The following FTO variants were observed in gnomAD, a reference collection of about 807,000 sequenced individuals.
The protein encoded by FTO is alpha-ketoglutarate-dependent dioxygenase FTO.
A neutral mutation model predicts 63.9 loss-of-function variants in FTO; 47 were observed. The ratio of observed to expected loss-of-function variants is 0.74; its 90% CI spans 0.58 to 0.94. The LOEUF (loss-of-function observed/expected upper bound fraction) is 0.94. FTO is among the 40% of genes least tolerant of loss of function. FTO has a pLI of 0.00. For synonymous variants in FTO, 207 were observed against 224.4 expected, an observed-to-expected ratio of 0.92 and a Z score of 0.69; for missense variants, 562 against 618.1, an observed-to-expected ratio of 0.91 and a Z score of 0.96.
chr16:53,892,806 C>T (rs1284068483), intron 7 of FTO, among the ~76,000 whole-genome samples: 1 of 152,126 alleles, frequency 6.6e-6, no homozygotes, highest in Non-Finnish European at 1.5e-5. Context: ...TGTCTTTGTG[C>T]TCTTTTTTCA....
chr16:54,108,538 C>T lies in FTO; in HGVS notation c.1365-3224C>T, dbSNP rs562729408. On this transcript the variant is annotated intron_variant, in intron 8 of 8. Coordinates refer to ENST00000471389, the MANE Select transcript of FTO (RefSeq NM_001080432.3). Reference sequence around the variant, plus strand: ...CTAGAAGGAGTCTGTCTAGAGGCTACGCACCCAGTTAGTATGAAGGAAGGA... The same window carrying T: ...CTAGAAGGAGTCTGTCTAGAGGCTATGCACCCAGTTAGTATGAAGGAAGGA... Among the ~76,000 whole-genome samples, 181 of 152,234 alleles carry T rather than the reference C, an allele frequency of 1.2e-3. 2 individuals are homozygous for T. Among genetic ancestry groups the T allele is most frequent in the Non-Finnish European group, 5.4e-4 (37 of 68,020 alleles).
chr16:53,942,458 T>C (rs1370886784), intron 8 of FTO, among the ~76,000 whole-genome samples: 1 of 152,040 alleles, frequency 6.6e-6, no homozygotes, highest in African/African-American at 2.4e-5. Flanking sequence ...TGGAGCTGGG[T>C]GAGAAGAGGA....
At chr16:53,844,515 A>T (rs1180959221) in intron 4 of FTO, among the ~76,000 whole-genome samples, 1 of 152,136 alleles carries the variant, frequency 6.6e-6, no homozygotes, top group Non-Finnish European at 1.5e-5. Context: ...GCTGGAGTGC[A>T]GTGGCACAAT....
intron 8 of FTO, chr16:54,008,369 G>A (rs1002252560): frequency 1.3e-5 from 2 of 151,116 alleles, no homozygotes; most frequent in African/African-American, 4.9e-5. Flanking sequence ...CTTAGGACTC[G>A]GGCTGTGATA....
Position 53,862,898 on chromosome 16 carries a change from T to C in FTO, c.896-10888T>C, listed in dbSNP as rs148828108. ...GTTAAGTACATTTGGATCTCCAGGA[T>C]CTGTTCCTCATGTCTAAGGTTTTCC... is the stretch of plus-strand genomic sequence containing the variant. On this transcript the variant is annotated intron_variant, in intron 4 of 8. Transcript: ENST00000471389. Among the ~76,000 whole-genome samples, 810 of 152,298 alleles carry C rather than the reference T, an allele frequency of 5.3e-3. 10 individuals carry two copies. The highest frequency in any genetic ancestry group is 0.018 in the African/African-American group (747 of 41,558).
At chr16:54,068,813 C>T (rs2085792162) in intron 8 of FTO, among the ~76,000 whole-genome samples, 1 of 152,134 alleles carries the variant, frequency 6.6e-6, no homozygotes, top group African/African-American at 2.4e-5. Context: ...CTTCCCCACT[C>T]TTCTTCCAGC....
In FTO at chr16:54,116,206, A is replaced by G. The variant is rs563334743; in HGVS notation, c.*4291A>G. 6.6e-6 allele frequency: 1 copy of G among 151,858 alleles called. No individual in the cohort carries two copies. The highest frequency in any genetic ancestry group is 2.4e-5 in the African/African-American group (1 of 41,412). 9.4% of individuals were successfully genotyped at this position (151,858 alleles called of 1,614,324 possible). On this transcript the variant is annotated 3_prime_UTR_variant, in exon 9 of 9. Coordinates refer to ENST00000471389, the MANE Select transcript of FTO (RefSeq NM_001080432.3). The stretch of plus-strand genomic sequence containing the variant: ...TTGTATGCTTCGAGGGAAGGAAGGT[A>G]TTTTCAAATGCAACTTCTTTTTTTT...
intron 1 of FTO, among the ~76,000 whole-genome samples, chr16:53,742,460 G>A (rs1168393533): frequency 1.3e-5 from 2 of 152,170 alleles, no homozygotes; most frequent in African/African-American, 4.8e-5. Flanking sequence ...ACAACAGAAG[G>A]TATCTACTAT....
intron 4 of FTO, among the ~76,000 whole-genome samples, chr16:53,852,101 CAA>C (rs57004473): frequency 0.05 from 2,709 of 54,410 alleles, 122 homozygotes; most frequent in African/African-American, 0.15. Flanking sequence ...ACAAAAAATA[CAA>C]AAAAAAAAAA....
intron 8 of FTO, among the ~76,000 whole-genome samples, chr16:53,941,696 C>G (rs892959680): frequency 6.6e-6 from 1 of 152,080 alleles, no homozygotes; most frequent in Admixed American, 6.5e-5. Flanking sequence ...AAAGTGCAAA[C>G]AACTAGCCAG....
rs550761801 is a variant in FTO, at chr16:53,904,378, C to T, written c.1239+15427C>T. ...TCTTAATTGCTATAATAATCTTTACCCAGGCTCCATTCTGTTACTGCAACT... is the reference window on the plus strand; with the variant it reads ...TCTTAATTGCTATAATAATCTTTACTCAGGCTCCATTCTGTTACTGCAACT... On this transcript the variant is annotated intron_variant, in intron 7 of 8. Coordinates refer to ENST00000471389, the MANE Select transcript of FTO (RefSeq NM_001080432.3). 5.3e-5 allele frequency among the ~76,000 whole-genome samples: 8 copies of T among 152,250 alleles called. No homozygotes were observed. In the East Asian group the frequency reaches 1.5e-3, roughly 29 times the overall value.
chr16:53,778,909 C>T (rs1282008535), intron 1 of FTO, among the ~76,000 whole-genome samples: 1 of 146,304 alleles, frequency 6.8e-6, no homozygotes, highest in Non-Finnish European at 1.5e-5. Context: ...TAATGAATGA[C>T]AAGTGCCGCA....
intron 2 of FTO, among the ~76,000 whole-genome samples, chr16:53,814,037 G>A (rs1407872819): frequency 6.6e-6 from 1 of 152,134 alleles, no homozygotes; most frequent in Non-Finnish European, 1.5e-5. Flanking sequence ...CTGAGTGGGA[G>A]AGCTGGAGTT....
chr16:53,726,702 A>G (rs1394466838), intron 1 of FTO, among the ~76,000 whole-genome samples: 2 of 152,238 alleles, frequency 1.3e-5, no homozygotes, highest in Admixed American at 6.5e-5. Flanking sequence ...AACATTTTGC[A>G]TGTTCAGAAG....
intron 3 of FTO, among the ~76,000 whole-genome samples, chr16:53,835,891 A>ATT (rs201374598): frequency 0.24 from 32,372 of 133,878 alleles, 4,181 homozygotes; most frequent in South Asian, 0.33. Context: ...CTGTCTATTG[A>ATT]TTTTTTTTTT....
intron 6 of FTO, among the ~76,000 whole-genome samples, chr16:53,883,841 C>CTTT (rs367852452): frequency 7.9e-5 from 12 of 152,248 alleles, no homozygotes; most frequent in African/African-American, 2.6e-4. Context: ...CATCTCCTTA[C>CTTT]TTTCACAATT....
chr16:54,083,750 C>T (rs987648043), intron 8 of FTO, among the ~76,000 whole-genome samples: 1 of 152,172 alleles, frequency 6.6e-6, no homozygotes, highest in African/African-American at 2.4e-5. Context: ...CACCACTGCC[C>T]AGCCATTTTA....
chr16:53,728,583 T>C lies in FTO; in HGVS notation c.45+24354T>C, dbSNP rs568570476. Among the ~76,000 whole-genome samples, 38 of 152,200 alleles carry C rather than the reference T, an allele frequency of 2.5e-4. No homozygotes were observed. The South Asian group carries it at 7.5e-3, about 30-fold the overall frequency. Reference sequence around the variant, plus strand: ...GAGAGACAAAAAATAAACAAACAAATAATGACTTTTTGATAGTTCTAAATA... The same window carrying C: ...GAGAGACAAAAAATAAACAAACAAACAATGACTTTTTGATAGTTCTAAATA... On this transcript the variant is annotated intron_variant, in intron 1 of 8. Transcript: ENST00000471389.
intron 8 of FTO, among the ~76,000 whole-genome samples, chr16:53,989,803 C>T (rs932837959): frequency 3.1e-4 from 47 of 152,122 alleles, no homozygotes; most frequent in African/African-American, 1.1e-3. Flanking sequence ...CCTCTGCCAC[C>T]TCCAAGACAG....
Sources: allele counts gnomAD v4.1 joint callset (sites outside exome capture counted in the v4.1 genomes callset), GRCh38; gene constraint gnomAD v4.1.1; transcripts MANE v1.5; gene names NCBI Gene and HGNC (gene_info 2026-07-23, HGNC 2026-07-21).